The following ADNP variants were observed in gnomAD, a reference collection of about 807,000 sequenced individuals.
ADNP encodes activity dependent neuroprotector homeobox, also known as activity-dependent neuroprotector homeobox protein.
Under a neutral mutation model 84.9 loss-of-function variants are expected in ADNP, and 4 were observed. The ratio of observed to expected loss-of-function variants is 0.05; its 90% CI spans 0.02 to 0.11. The LOEUF is 0.11. Among genes scored for constraint, ADNP ranks in the 10% least tolerant of loss-of-function variants. The probability of loss-of-function intolerance (pLI) is 1.00; values close to 1 mark genes in which losing one functional copy is unlikely to be tolerated. For missense variants in ADNP, 1,132 were observed against 1,326.0 expected, an observed-to-expected ratio of 0.85 and a Z score of 2.27; for synonymous variants, 554 against 468.1, an observed-to-expected ratio of 1.18 and a Z score of -2.37.
At chr20:50,922,105 T>A (rs1352111814) in intron 2 of ADNP, among the ~76,000 whole-genome samples, 3 of 152,172 alleles carry the variant, frequency 2.0e-5, no homozygotes, top group African/African-American at 7.2e-5. Flanking sequence ...AAGGGGTGCT[T>A]TAGGGGAAAA....
At chr20:50,925,594 T>C (rs1984237989) in intron 2 of ADNP, among the ~76,000 whole-genome samples, 1 of 152,176 alleles carries the variant, frequency 6.6e-6, no homozygotes, top group African/African-American at 2.4e-5. Context: ...TCAAATAAAG[T>C]ATCTCAACAA....
chr20:50,906,278 A>G (rs1023712073), intron 2 of ADNP, among the ~76,000 whole-genome samples: 2 of 152,244 alleles, frequency 1.3e-5, no homozygotes, highest in African/African-American at 4.8e-5. Context: ...CACATGTTAG[A>G]AAAATATTTC....
Position 50,891,557 on chromosome 20 carries a change from T to A in ADNP, c.3157A>T (p.Asn1053Tyr), listed in dbSNP as rs1980723809. Residue 1053 changes from asparagine to tyrosine, a missense_variant, in exon 6 of 6, where the codon AAT becomes TAT. Transcript: ENST00000621696. ...TGGGGGTTAGATAAGCGCTCATCATTCTCAGATGCATTCTTCCACTGTGAC... is the reference window on the plus strand; with the variant it reads ...TGGGGGTTAGATAAGCGCTCATCATACTCAGATGCATTCTTCCACTGTGAC... Reference protein sequence around the residue: ...DQSQWKNASENDERLSNPQIE... With the variant: ...DQSQWKNASEYDERLSNPQIE... 1.2e-6 allele frequency: 2 copies of A among 1,612,344 alleles called. No homozygotes were observed. Among genetic ancestry groups the A allele is most frequent in the African/African-American group, 2.7e-5 (2 of 74,938 alleles).
At chr20:50,915,331 G>A (rs1388320672) in intron 2 of ADNP, among the ~76,000 whole-genome samples, 2 of 152,156 alleles carry the variant, frequency 1.3e-5, no homozygotes, top group African/African-American at 4.8e-5. Context: ...TGCATCTGAA[G>A]TAGTGAACAT....
At chr20:50,906,110 G>T (rs1400896515) in intron 2 of ADNP, among the ~76,000 whole-genome samples, 1 of 152,164 alleles carries the variant, frequency 6.6e-6, no homozygotes, top group Admixed American at 6.5e-5. Context: ...TACTCGGGAG[G>T]CTGAGGCAGG....
intron 5 of ADNP, among the ~76,000 whole-genome samples, chr20:50,897,956 T>C (rs1404749989): frequency 6.6e-6 from 1 of 152,202 alleles, no homozygotes; most frequent in East Asian, 1.9e-4. Context: ...TGTATTGATA[T>C]GCTTGAAGCC....
intron 4 of ADNP, among the ~76,000 whole-genome samples, chr20:50,903,417 C>G (rs930179546): frequency 2.0e-5 from 3 of 152,178 alleles, no homozygotes; most frequent in Admixed American, 2.0e-4. Context: ...AAAGAGACAA[C>G]AAGCACCCAC....
intron 4 of ADNP, among the ~76,000 whole-genome samples, chr20:50,902,713 C>CTTAG (rs1982108695): frequency 6.6e-6 from 1 of 152,116 alleles, no homozygotes; most frequent in Non-Finnish European, 1.5e-5. Flanking sequence ...CCCACTTGTT[C>CTTAG]CTAAAAAGTT....
intron 2 of ADNP, among the ~76,000 whole-genome samples, chr20:50,911,665 G>A (rs1177009906): frequency 6.6e-6 from 1 of 151,966 alleles, no homozygotes; most frequent in Non-Finnish European, 1.5e-5. Flanking sequence ...TGGTAGTTCT[G>A]CAGAGCTACC....
intron 5 of ADNP, among the ~76,000 whole-genome samples, chr20:50,895,333 T>C (rs1225798860): frequency 6.6e-6 from 1 of 152,212 alleles, no homozygotes; most frequent in Admixed American, 6.5e-5. Context: ...TCTGTACTGA[T>C]TACCATAGGC....
intron 5 of ADNP, among the ~76,000 whole-genome samples, chr20:50,897,082 C>T (rs539196223): frequency 3.2e-4 from 49 of 152,250 alleles, no homozygotes; most frequent in African/African-American, 9.6e-4. Flanking sequence ...GGATTACAGG[C>T]GCCCCACCAC....
intron 5 of ADNP, among the ~76,000 whole-genome samples, chr20:50,895,660 C>CTCCG (rs1285084649): frequency 6.6e-6 from 1 of 152,180 alleles, no homozygotes; most frequent in Non-Finnish European, 1.5e-5. Flanking sequence ...ATCCTCCCAC[C>CTCCG]TCCGCCTCAG....
chr20:50,889,380 A>C lies in ADNP; in HGVS notation c.*2025T>G, dbSNP rs1349713556. On this transcript the variant is annotated 3_prime_UTR_variant, in exon 6 of 6. Coordinates refer to ENST00000621696, the MANE Select transcript of ADNP (RefSeq NM_001282531.3). ...CTGATTTGGTAATCTGTAGTATCTT[A>C]ATTTGGGGACATCCTGTCCTAAGTT... The C allele has an allele frequency of 6.6e-6, 1 of 152,426 alleles. No individual in the cohort carries two copies. The highest frequency in any genetic ancestry group is 1.5e-5 in the Non-Finnish European group (1 of 68,188). The allele number at this position is 152,426 out of a possible 1,614,324, so 9.4% of individuals were successfully genotyped here.
chr20:50,931,008 C>CGCGGCGGGCGCAGCAGA lies in ADNP; in HGVS notation c.-464_-448dup, dbSNP rs1237593078. The CGCGGCGGGCGCAGCAGA allele has an allele frequency of 1.4e-5, 2 of 144,044 alleles. No homozygotes were observed. The highest frequency in any genetic ancestry group is 1.8e-4 in the South Asian group (1 of 5,452). The allele number at this position is 144,044 out of a possible 1,614,324, so 8.9% of individuals were successfully genotyped here. On this transcript the variant is annotated 5_prime_UTR_variant, in exon 1 of 6. Coordinates refer to ENST00000621696, the MANE Select transcript of ADNP (RefSeq NM_001282531.3). ...CGCGGCCGCGGGTGCTGCCGGGGGG[C>CGCGGCGGGCGCAGCAGA]GCGGCGGGCGCAGCAGAGCGGCGGG...
At chr20:50,907,773 T>G (rs1168796444) in intron 2 of ADNP, among the ~76,000 whole-genome samples, 1 of 151,846 alleles carries the variant, frequency 6.6e-6, no homozygotes, top group African/African-American at 2.4e-5. Flanking sequence ...GTGTGTGTTT[T>G]TTTTTGTAGA....
intron 2 of ADNP, among the ~76,000 whole-genome samples, chr20:50,907,627 G>A (rs1289256698): frequency 6.6e-6 from 1 of 150,870 alleles, no homozygotes; most frequent in African/African-American, 2.4e-5. Context: ...TTTTCATCCA[G>A]GCTGGAGTGT....
chr20:50,912,113 G>C (rs1405500349), intron 2 of ADNP, among the ~76,000 whole-genome samples: 1 of 152,108 alleles, frequency 6.6e-6, no homozygotes, highest in Non-Finnish European at 1.5e-5. Flanking sequence ...ACTTCTTCCT[G>C]GTTAACACCT....
chr20:50,898,074 T>C (rs1981598835), intron 5 of ADNP, among the ~76,000 whole-genome samples: 1 of 152,210 alleles, frequency 6.6e-6, no homozygotes, highest in African/African-American at 2.4e-5. Flanking sequence ...AAGCCTGGCA[T>C]TGCTTTGGTC....
chr20:50,926,235 G>GT (rs1984283581), intron 2 of ADNP, among the ~76,000 whole-genome samples: 1 of 152,192 alleles, frequency 6.6e-6, no homozygotes, highest in African/African-American at 2.4e-5. Flanking sequence ...TTCTCTTAAT[G>GT]TACATGCCTC....
Sources: allele counts gnomAD v4.1 joint callset (sites outside exome capture counted in the v4.1 genomes callset), GRCh38; gene constraint gnomAD v4.1.1; transcripts MANE v1.5; gene names NCBI Gene and HGNC (gene_info 2026-07-23, HGNC 2026-07-21).